Variants in DOCK1 observed in about 807,000 individuals in gnomAD.
DOCK1 encodes dedicator of cytokinesis 1.
Under a neutral mutation model 262.7 loss-of-function variants are expected in DOCK1, and 138 were observed. The observed-to-expected ratio is 0.53, with a 90% CI of 0.46 to 0.61. The LOEUF (loss-of-function observed/expected upper bound fraction) is 0.61. DOCK1 is among the 20% of genes least tolerant of loss of function. The pLI, the probability that DOCK1 is intolerant of heterozygous loss-of-function variation, is 0.00. For synonymous variants in DOCK1, 866 were observed against 867.4 expected (o/e 1.00, Z 0.03); for missense variants, 1,908 against 2,370.7 (o/e 0.80, Z 4.05).
At chr10:127,289,999 T>A (rs554522929) in intron 29 of DOCK1, among the ~76,000 whole-genome samples, 1 of 152,248 alleles carries the variant, frequency 6.6e-6, no homozygotes, top group South Asian at 2.1e-4. Context: ...AATTCATGCA[T>A]TTTTGTTCTC....
In DOCK1 at chr10:127,026,073, G is replaced by GAAAAAAA. The variant is rs373279876; in HGVS notation, c.1552-276_1552-275insAAAAAAA. 2.6e-4 allele frequency: 57 copies of GAAAAAAA among 220,682 alleles called. 1 individual carries two copies. The highest frequency in any genetic ancestry group is 1.3e-3 in the Middle Eastern group (1 of 752). The allele number at this position is 220,682 out of a possible 1,614,324, so 13.7% of individuals were successfully genotyped here. ...AAACTCTGTATCAAAAAAAAAAAAA[G>GAAAAAAA]AAAGAAAAAAGAATCTTAACAGTAA... On this transcript the variant is annotated intron_variant, in intron 15 of 51. Transcript: ENST00000623213.
At chr10:126,992,723 ACC>A (rs10717626) in intron 6 of DOCK1, among the ~76,000 whole-genome samples, 1 of 147,964 alleles carries the variant, frequency 6.8e-6, no homozygotes, top group Admixed American at 6.7e-5. Flanking sequence ...AGGCACACAG[ACC>A]CCCCCAACAC....
chr10:127,338,758 T>C (rs1419915519), intron 29 of DOCK1, among the ~76,000 whole-genome samples: 3 of 152,210 alleles, frequency 2.0e-5, no homozygotes, highest in Admixed American at 6.5e-5. Flanking sequence ...ACTTTTCAAA[T>C]GTTACTTTCA....
At position 127,043,129 on chromosome 10, in the gene DOCK1, C is replaced by T. The variant is rs1297610971; in HGVS notation, c.2166C>T (p.Tyr722=). The change falls in exon 21 of 52, where the codon TAC becomes TAT. Residue 722 remains tyrosine (Y), a synonymous_variant. Transcript: ENST00000623213. ...FQHFNPVLET[Y]IKKHFSATLA... ...ATTTTAATCCTGTTTTGGAAACTTA[C>T]ATTAAGAAACACTTTAGTGCAACGT... is the stretch of plus-strand genomic sequence containing the variant. 1.2e-6 allele frequency: 2 copies of T among 1,610,760 alleles called. No individual in the cohort carries two copies. The highest frequency in any genetic ancestry group is 2.2e-5 in the East Asian group (1 of 44,800).
chr10:127,226,332 A>G (rs2058638382), intron 27 of DOCK1, among the ~76,000 whole-genome samples: 1 of 152,172 alleles, frequency 6.6e-6, no homozygotes, highest in East Asian at 1.9e-4. Flanking sequence ...TGAAGGATCA[A>G]ACAAGAACAG....
intron 29 of DOCK1, among the ~76,000 whole-genome samples, chr10:127,289,430 C>T (rs2061274270): frequency 6.6e-6 from 1 of 152,144 alleles, no homozygotes; most frequent in Admixed American, 6.5e-5. Context: ...GCCTCATGCA[C>T]ACAACTTTAC....
intron 38 of DOCK1, among the ~76,000 whole-genome samples, chr10:127,386,172 C>T (rs531869129): frequency 1.8e-4 from 28 of 152,118 alleles, no homozygotes; most frequent in Non-Finnish European, 3.4e-4. Flanking sequence ...TTGGAGTAAG[C>T]GATGCGGCAT....
intron 25 of DOCK1, among the ~76,000 whole-genome samples, chr10:127,118,390 C>A (rs73378453): frequency 0.049 from 7,398 of 152,228 alleles, 499 homozygotes; most frequent in African/African-American, 0.15. Context: ...ATTGGCTCTT[C>A]TTTAATTTCT....
At chr10:127,051,593 A>AT (rs1199070698) in intron 21 of DOCK1, among the ~76,000 whole-genome samples, 5 of 152,080 alleles carry the variant, frequency 3.3e-5, no homozygotes, top group Admixed American at 2.0e-4. Context: ...TTATTTTATG[A>AT]TTTTTTGAGA....
intron 29 of DOCK1, among the ~76,000 whole-genome samples, chr10:127,335,969 G>A (rs11017386): frequency 0.046 from 6,961 of 151,916 alleles, 208 homozygotes; most frequent in Non-Finnish European, 0.073. Flanking sequence ...GCCTGCCTTG[G>A]CCTCCCAAAG....
At chr10:127,448,314 C>G (rs1810439199) in intron 51 of DOCK1, among the ~76,000 whole-genome samples, 1 of 152,198 alleles carries the variant, frequency 6.6e-6, no homozygotes. Flanking sequence ...GCCAAACAGC[C>G]CCTGGGCCTG....
rs369044608 is a variant in DOCK1 at position 127,030,794 on chromosome 10, A to ATCTCTG, written c.1625-832_1625-827dup. Among the ~76,000 whole-genome samples the ATCTCTG allele has an allele frequency of 4.3e-3, 643 of 149,252 alleles. 3 individuals are homozygous for ATCTCTG. The highest frequency in any genetic ancestry group is 0.012 in the African/African-American group (457 of 39,398). On this transcript the variant is annotated intron_variant, in intron 16 of 51. Transcript: ENST00000623213. Reference sequence around the variant, plus strand: ...CAAGATTCTCTATCAATCTATCTCTATCTCTGTCTCTGTCTCTGTCTCTGT... The same window carrying ATCTCTG: ...CAAGATTCTCTATCAATCTATCTCTATCTCTGTCTCTGTCTCTGTCTCTGTCTCTGT...
At chr10:127,172,112 GT>G (rs1424437308) in intron 27 of DOCK1, among the ~76,000 whole-genome samples, 1 of 152,176 alleles carries the variant, frequency 6.6e-6, no homozygotes, top group South Asian at 2.1e-4. Flanking sequence ...TTGTTTGTTT[GT>G]TTTTTTAAAC....
At chr10:127,439,620 C>T (rs950272414) in intron 49 of DOCK1, among the ~76,000 whole-genome samples, 1 of 152,232 alleles carries the variant, frequency 6.6e-6, no homozygotes, top group Non-Finnish European at 1.5e-5. Flanking sequence ...CTGACTGGAA[C>T]TCTTCTAAGC....
chr10:127,336,994 T>A (rs2063230722), intron 29 of DOCK1, among the ~76,000 whole-genome samples: 2 of 152,120 alleles, frequency 1.3e-5, no homozygotes, highest in South Asian at 4.1e-4. Flanking sequence ...AGTAAACTGG[T>A]CATTATTGTC....
At chr10:126,981,526 A>T (rs1315283839) in intron 3 of DOCK1, among the ~76,000 whole-genome samples, 2 of 152,192 alleles carry the variant, frequency 1.3e-5, no homozygotes, top group Admixed American at 1.3e-4. Flanking sequence ...TGCACAAGGG[A>T]CAATTGGTGG....
intron 29 of DOCK1, among the ~76,000 whole-genome samples, chr10:127,278,336 T>C (rs1000208863): frequency 3.3e-5 from 5 of 151,930 alleles, no homozygotes; most frequent in Admixed American, 3.3e-4. Flanking sequence ...CATTAACTGT[T>C]TGTTTACCTG....
chr10:127,374,838 C>T (rs1444492442), intron 35 of DOCK1, among the ~76,000 whole-genome samples: 1 of 152,186 alleles, frequency 6.6e-6, no homozygotes, highest in Non-Finnish European at 1.5e-5. Flanking sequence ...CCACCAGAAG[C>T]CTGCGGAGGC....
rs1252079359 is a variant in DOCK1 at position 126,995,216 on chromosome 10, G to A, written c.474-1532G>A. On this transcript the variant is annotated intron_variant, in intron 6 of 51. Transcript: ENST00000623213. The surrounding 1 kb of genome is among the most constrained non-coding windows in gnomAD (Gnocchi z 5.8). ...CCAGACTGGGTGGCCGGGCAGACAC[G>A]CTCCTCACTTCCCAGACGGGGTGGC... 9.9e-5 allele frequency among the ~76,000 whole-genome samples: 15 copies of A among 152,020 alleles called. No individual in the cohort carries two copies. Among genetic ancestry groups the A allele is most frequent in the African/African-American group, 3.1e-4 (13 of 41,392 alleles).
Sources: gnomAD v4.1 joint callset for allele counts (sites outside exome capture counted in the v4.1 genomes callset) on GRCh38, gnomAD v4.1.1 for gene constraint, Gnocchi (gnomAD v3.1) non-coding constraint, MANE v1.5 for transcripts, NCBI Gene and HGNC (gene_info 2026-07-23, HGNC 2026-07-21) for gene names.